DLG1: variants seen among roughly 807,000 people sequenced by gnomAD.
DLG1 encodes the protein disks large homolog 1.
A neutral mutation model predicts 123.4 loss-of-function variants in DLG1; 42 were observed. The observed-to-expected ratio is 0.34, with a 90% confidence interval of 0.27 to 0.44. The LOEUF (loss-of-function observed/expected upper bound fraction) is 0.44. Among genes scored for constraint, DLG1 ranks in the 20% least tolerant of loss-of-function variants. The pLI, the probability that DLG1 is intolerant of heterozygous loss-of-function variation, is 1.00. For missense variants in DLG1, 942 were observed against 1,082.6 expected (o/e 0.87, Z 1.82); for synonymous variants, 317 against 356.2 (o/e 0.89, Z 1.24).
At chr3:197,099,680 T>TG (rs1380499385) in intron 14 of DLG1, among the ~76,000 whole-genome samples, 1 of 152,146 alleles carries the variant, frequency 6.6e-6, no homozygotes, top group Non-Finnish European at 1.5e-5. Flanking sequence ...GGAAGGGGTA[T>TG]GGGGGAAATT....
chr3:197,128,157 T>A (rs901657041), intron 11 of DLG1, among the ~76,000 whole-genome samples: 1 of 152,236 alleles, frequency 6.6e-6, no homozygotes, highest in Non-Finnish European at 1.5e-5. Context: ...TTACCCACAG[T>A]AGAACTTCTT....
intron 15 of DLG1, among the ~76,000 whole-genome samples, chr3:197,089,527 TA>T (rs75041617): frequency 0.012 from 1,593 of 130,884 alleles, 14 homozygotes; most frequent in African/African-American, 0.032. Context: ...ACCCTGTCTT[TA>T]AAAAAAAAAA....
In DLG1 at chr3:197,130,684, C is replaced by T; in HGVS notation, c.1021-13G>A. ...ATACGTTATTCACCTAAAAAAAGTC[C>T]CAAAAGACATTTATGACATATTCAC... On this transcript the variant is annotated splice_polypyrimidine_tract_variant and intron_variant, in intron 10 of 24. Transcript: ENST00000667157. 1 of 1,575,378 alleles carries T rather than the reference C, an allele frequency of 6.3e-7. No individual in the cohort carries two copies. Among genetic ancestry groups the T allele is most frequent in the Non-Finnish European group, 8.6e-7 (1 of 1,162,658 alleles).
chr3:197,076,692 A>G lies in DLG1; in HGVS notation c.1906-7T>C. On this transcript the variant is annotated splice_region_variant and splice_polypyrimidine_tract_variant and intron_variant, in intron 17 of 24. Transcript: ENST00000667157. ...GCTTGTCATTGAATGACTGCTGAAG[A>G]AGAGAAGGAGGGGCAAAACAAAGGG... 1 of 1,609,310 alleles carries G rather than the reference A, an allele frequency of 6.2e-7. No individual in the cohort carries two copies. Among genetic ancestry groups the G allele is most frequent in the Non-Finnish European group, 8.5e-7 (1 of 1,176,330 alleles).
chr3:197,154,503 G>A (rs771831380), intron 5 of DLG1, among the ~76,000 whole-genome samples: 3 of 151,656 alleles, frequency 2.0e-5, no homozygotes, highest in South Asian at 2.1e-4. Context: ...GTGAAACCCC[G>A]TCTCTACTAA....
At chr3:197,274,809 A>T (rs1047441670) in intron 4 of DLG1, among the ~76,000 whole-genome samples, 34 of 152,362 alleles carry the variant, frequency 2.2e-4, no homozygotes, top group Admixed American at 1.8e-3. Flanking sequence ...CAGATTAGAC[A>T]TTTCTCAGAA....
chr3:197,297,602 G>C, intron 1 of DLG1: 2 of 1,016,746 alleles, frequency 2.0e-6, no homozygotes, highest in Non-Finnish European at 2.4e-6. Context: ...GCCAGCAGCG[G>C]CCGCAGAGCG....
In DLG1 at chr3:197,097,681, A is replaced by G. The variant is rs1579106713; in HGVS notation, c.1547-6655T>C. Among the ~76,000 whole-genome samples, 5 of 150,418 alleles carry G rather than the reference A, an allele frequency of 3.3e-5. No individual in the cohort carries two copies. In the South Asian group the frequency reaches 1.0e-3, roughly 31 times the overall value. On this transcript the variant is annotated intron_variant, in intron 14 of 24. Transcript: ENST00000667157. ...CTGCAACCTCTGCCTCCTGGGTTCA[A>G]GTGATTCTCCTGCCTCAGCCTCCTG...
intron 4 of DLG1, among the ~76,000 whole-genome samples, chr3:197,224,191 T>C (rs746344705): frequency 3.7e-4 from 57 of 152,260 alleles, no homozygotes; most frequent in East Asian, 1.9e-4. Flanking sequence ...GAACCTCAAG[T>C]GGTGCTGTGC....
chr3:197,268,172 C>T (rs536465751), intron 4 of DLG1, among the ~76,000 whole-genome samples: 3 of 152,222 alleles, frequency 2.0e-5, no homozygotes, highest in African/African-American at 7.2e-5. Context: ...GTAATAAGCA[C>T]AGATACAGAT....
intron 1 of DLG1, chr3:197,298,166 C>T: frequency 9.0e-6 from 2 of 222,968 alleles, no homozygotes; most frequent in Non-Finnish European, 1.7e-5. Flanking sequence ...GACCGCTTTC[C>T]CGGCGCTCTC....
intron 4 of DLG1, among the ~76,000 whole-genome samples, chr3:197,201,109 C>T (rs374287131): frequency 1.3e-4 from 20 of 152,194 alleles, no homozygotes; most frequent in African/African-American, 4.6e-4. Context: ...ACCGGCCGGG[C>T]GCAGTGGCTC....
chr3:197,277,003 C>T (rs1485195289), intron 4 of DLG1, among the ~76,000 whole-genome samples: 3 of 151,218 alleles, frequency 2.0e-5, no homozygotes, highest in Non-Finnish European at 3.0e-5. Context: ...GCGATCTTCC[C>T]ACCTCAGCCT....
intron 10 of DLG1, among the ~76,000 whole-genome samples, chr3:197,132,439 A>C (rs1260076649): frequency 6.6e-6 from 1 of 152,216 alleles, no homozygotes; most frequent in Non-Finnish European, 1.5e-5. Flanking sequence ...TATTTTCACA[A>C]AAAAATGTAA....
intron 13 of DLG1, 24 bp from the exon 14 acceptor site, chr3:197,105,029 T>G (rs369393857): frequency 6.8e-7 from 1 of 1,461,882 alleles, no homozygotes; most frequent in South Asian, 1.2e-5. Flanking sequence ...CAAATCTTAA[T>G]TTGGGAGAAA....
chr3:197,092,338 A>G (rs1758198285), intron 14 of DLG1, among the ~76,000 whole-genome samples: 1 of 152,202 alleles, frequency 6.6e-6, no homozygotes, highest in African/African-American at 2.4e-5. Context: ...GAGATAGCAG[A>G]ATAAAAGTAC....
chr3:197,298,854 T>G (rs1778658148), upstream of DLG1: 1 of 356,430 alleles, frequency 2.8e-6, no homozygotes, highest in Non-Finnish European at 5.0e-6. Flanking sequence ...GGCAAGAGTT[T>G]GAGGGTTATA....
chr3:197,199,737 T>C (rs575879453), intron 4 of DLG1, among the ~76,000 whole-genome samples: 5 of 152,172 alleles, frequency 3.3e-5, no homozygotes, highest in Non-Finnish European at 5.9e-5. Flanking sequence ...TCTCAGCCTA[T>C]TTCCAATTTT....
intron 4 of DLG1, among the ~76,000 whole-genome samples, chr3:197,282,051 C>T (rs1051254054): frequency 6.6e-6 from 1 of 152,216 alleles, no homozygotes; most frequent in African/African-American, 2.4e-5. Flanking sequence ...ATGACTAATG[C>T]TTCTTAGGCA....
Sources: gnomAD v4.1 joint callset for allele counts (sites outside exome capture counted in the v4.1 genomes callset) on GRCh38, gnomAD v4.1.1 for gene constraint, MANE v1.5 for transcripts, NCBI Gene and HGNC (gene_info 2026-07-23, HGNC 2026-07-21) for gene names.